Variants in GPHN observed in about 807,000 individuals in gnomAD.
GPHN encodes the protein gephyrin.
Under a neutral mutation model 95.5 loss-of-function variants are expected in GPHN, and 17 were observed. That is an observed-to-expected ratio of 0.18 (90% CI 0.12 to 0.27). The LOEUF (loss-of-function observed/expected upper bound fraction) is 0.27, where lower values mean the gene tolerates loss of function less well. GPHN is among the 10% of genes least tolerant of loss of function. The pLI, the probability that GPHN is intolerant of heterozygous loss-of-function variation, is 1.00. For missense variants in GPHN, 660 were observed against 978.1 expected (o/e 0.67, Z 4.34); for synonymous variants, 320 against 322.5 (o/e 0.99, Z 0.08).
At chr14:66,551,189 C>G (rs1019700842) in intron 1 of GPHN, 7 of 152,338 alleles carry the variant, frequency 4.6e-5, no homozygotes, top group African/African-American at 1.7e-4. Context: ...AAGGTATGTG[C>G]ATTGTGTTTT....
chr14:67,129,764 AAGAAAGAAAGAG>A lies in GPHN; in HGVS notation c.1748+7403_1748+7414del, dbSNP rs1005468209. On this transcript the variant is annotated intron_variant, in intron 17 of 22. Transcript: ENST00000478722. ...TTGGCAGCATCATTGACTAGAAAGA[AAGAAAGAAAGAG>A]AGAAAGAAAGAGAGAGAGAGGGAGA... 1.8e-4 allele frequency among the ~76,000 whole-genome samples: 24 copies of A among 132,096 alleles called. No homozygotes were observed. In the East Asian group the frequency reaches 2.1e-3, roughly 11 times the overall value. 86.7% of individuals were successfully genotyped at this position (132,096 alleles called of 152,430 possible).
At chr14:67,474,666 T>C in the GPHN span, among the ~76,000 whole-genome samples, 1 of 152,164 alleles carries the variant, frequency 6.6e-6, no homozygotes, top group Non-Finnish European at 1.5e-5. Context: ...TCTCCAGAAC[T>C]TTTTCATTGT....
chr14:67,496,421 T>TTTTTTTTTA, the GPHN span, among the ~76,000 whole-genome samples: 1 of 117,430 alleles, frequency 8.5e-6, no homozygotes, highest in Non-Finnish European at 1.8e-5. Context: ...TTTTTTTTTT[T>TTTTTTTTTA]GAGACAGGGT....
the GPHN span, chr14:67,383,242 C>T: frequency 4.0e-6 from 6 of 1,498,904 alleles, no homozygotes; most frequent in African/African-American, 1.4e-5. Context: ...AAACATTAGG[C>T]AGTAATAGTA....
At chr14:66,596,520 C>G (rs560007613) in intron 1 of GPHN, among the ~76,000 whole-genome samples, 10 of 152,194 alleles carry the variant, frequency 6.6e-5, no homozygotes, top group Non-Finnish European at 1.0e-4. Context: ...CTTTGGTACC[C>G]AAAGTCTGGA....
At chr14:67,586,923 T>A in the GPHN span, 1 of 1,540,124 alleles carries the variant, frequency 6.5e-7, no homozygotes, top group East Asian at 2.5e-5. Flanking sequence ...AGCACAGTTA[T>A]GATTCCCTTT....
At chr14:67,323,630 A>C in the GPHN span, 1 of 378,240 alleles carries the variant, frequency 2.6e-6, no homozygotes, top group Non-Finnish European at 4.6e-6. Context: ...ATATATATAT[A>C]TATATATCAG....
At chr14:66,828,100 T>A (rs2061445971) in intron 4 of GPHN, among the ~76,000 whole-genome samples, 1 of 151,952 alleles carries the variant, frequency 6.6e-6, no homozygotes, top group African/African-American at 2.4e-5. Context: ...TTTACCTGAT[T>A]GTGAATAACT....
the GPHN span, among the ~76,000 whole-genome samples, chr14:67,377,464 A>G: frequency 1.3e-5 from 2 of 152,156 alleles, no homozygotes; most frequent in Non-Finnish European, 2.9e-5. Context: ...CTTGGCTGGT[A>G]TGCTCACTAC....
At chr14:67,097,348 A>G (rs2077451798) in intron 12 of GPHN, among the ~76,000 whole-genome samples, 1 of 152,250 alleles carries the variant, frequency 6.6e-6, no homozygotes, top group Admixed American at 6.5e-5. Flanking sequence ...TCACGGAGCC[A>G]ACATATGAGT....
chr14:66,769,809 A>T (rs1474137918), intron 2 of GPHN, among the ~76,000 whole-genome samples: 1 of 152,146 alleles, frequency 6.6e-6, no homozygotes, highest in Non-Finnish European at 1.5e-5. Context: ...ATGTGTCTTT[A>T]TGATATAACG....
chr14:67,439,533 G>GTTTCTTTCTCTC, the GPHN span, among the ~76,000 whole-genome samples: 1 of 96,144 alleles, frequency 1.0e-5, no homozygotes, highest in Non-Finnish European at 2.1e-5. Flanking sequence ...AAATTCAATA[G>GTTTCTTTCTCTC]TTTCTTTCTT....
chr14:66,727,981 C>T (rs968088795), intron 2 of GPHN, among the ~76,000 whole-genome samples: 13 of 152,134 alleles, frequency 8.5e-5, no homozygotes, highest in South Asian at 4.1e-4. Flanking sequence ...AATGGTTTCA[C>T]GGGCTAGGCC....
At chr14:67,266,810 A>T in the GPHN span, among the ~76,000 whole-genome samples, 1 of 152,058 alleles carries the variant, frequency 6.6e-6, no homozygotes, top group Non-Finnish European at 1.5e-5. Flanking sequence ...GTTATCTTTT[A>T]AAAAAACTTC....
the GPHN span, among the ~76,000 whole-genome samples, chr14:67,258,137 T>C: frequency 6.6e-6 from 1 of 151,954 alleles, no homozygotes; most frequent in Non-Finnish European, 1.5e-5. Context: ...AATATGAGCA[T>C]ACATAGATAG....
the GPHN span, among the ~76,000 whole-genome samples, chr14:67,306,931 A>C: frequency 8.5e-5 from 13 of 152,218 alleles, no homozygotes; most frequent in African/African-American, 3.1e-4. Flanking sequence ...GCAGCAGCAG[A>C]TATCTTCCTG....
chr14:66,615,023 T>C (rs554454155), intron 1 of GPHN, among the ~76,000 whole-genome samples: 524 of 152,336 alleles, frequency 3.4e-3, no homozygotes, highest in African/African-American at 0.012. Flanking sequence ...GCTTCATTCA[T>C]GTCCCTGCAA....
the GPHN span, among the ~76,000 whole-genome samples, chr14:67,243,236 G>A: frequency 6.6e-6 from 1 of 151,726 alleles, no homozygotes; most frequent in African/African-American, 2.4e-5. Context: ...GCCCAGGCTG[G>A]AGTGTAGTGG....
chr14:67,083,235 C>A (rs1366733211), intron 11 of GPHN, among the ~76,000 whole-genome samples: 1 of 151,900 alleles, frequency 6.6e-6, no homozygotes, highest in Non-Finnish European at 1.5e-5. Context: ...CTATGCCCCC[C>A]CCCCTCCAAA....
Sources: allele counts gnomAD v4.1 joint callset (sites outside exome capture counted in the v4.1 genomes callset), GRCh38; gene constraint gnomAD v4.1.1; transcripts MANE v1.5; gene names NCBI Gene and HGNC (gene_info 2026-07-23, HGNC 2026-07-21).